GRWD1: variants seen among roughly 807,000 people sequenced by gnomAD.
GRWD1 encodes glutamate rich WD repeat containing 1.
GRWD1 carries 29 observed loss-of-function variants against 45.3 expected under a neutral mutation model. That is an observed-to-expected ratio of 0.64 (90% CI 0.48 to 0.87). The LOEUF (loss-of-function observed/expected upper bound fraction) is 0.87. GRWD1 is among the 40% of genes least tolerant of loss of function. The pLI, the probability that GRWD1 is intolerant of heterozygous loss-of-function variation, is 0.00. For synonymous variants in GRWD1, 262 were observed against 257.6 expected, an observed-to-expected ratio of 1.02 and a Z score of -0.16; for missense variants, 592 against 618.8, an observed-to-expected ratio of 0.96 and a Z score of 0.46.
Position 48,452,643 on chromosome 19 carries a change from C to A in GRWD1, c.1024-65C>A. The A allele has an allele frequency of 7.2e-7, 1 of 1,381,788 alleles. No individual in the cohort carries two copies. Among genetic ancestry groups the A allele is most frequent in the Non-Finnish European group, 9.9e-7 (1 of 1,007,880 alleles). The allele number at this position is 1,381,788 out of a possible 1,614,324, so 85.6% of individuals were successfully genotyped here. On this transcript the variant is annotated intron_variant, in intron 6 of 6. Coordinates refer to ENST00000253237, the MANE Select transcript of GRWD1 (RefSeq NM_031485.4). This position sits in a 1 kb window ranked among gnomAD's most constrained non-coding sequence, Gnocchi z 5.1. ...GGCTGGAGAAGGGTTGGGGCTTCTG[C>A]CTGGGTCCTCCCCAGAGTCAGGCTG...
chr19:48,446,506 A>G lies in GRWD1; in HGVS notation c.305+4A>G, dbSNP rs1971405020. Reference sequence around the variant, plus strand: ...CTGAGAGCGCCCAGAGCAACAGGTAAGACCCGAGGCTTTTCCAGGACCAGG... The same window carrying G: ...CTGAGAGCGCCCAGAGCAACAGGTAGGACCCGAGGCTTTTCCAGGACCAGG... On this transcript the variant is annotated splice_donor_region_variant and intron_variant, in intron 2 of 6. Coordinates refer to ENST00000253237, the MANE Select transcript of GRWD1 (RefSeq NM_031485.4). 1 of 1,613,116 alleles carries G rather than the reference A, an allele frequency of 6.2e-7. No individual in the cohort carries two copies. The highest frequency in any genetic ancestry group is 1.3e-5 in the African/African-American group (1 of 74,870).
rs545499146 is a variant in GRWD1 at position 48,453,423 on chromosome 19, C to T, written c.*398C>T. 26 of 163,914 alleles carry T rather than the reference C, an allele frequency of 1.6e-4. No individual in the cohort carries two copies. The South Asian group carries it at 4.6e-3, about 29-fold the overall frequency. The allele number at this position is 163,914 out of a possible 1,614,324, so 10.2% of individuals were successfully genotyped here. On this transcript the variant is annotated 3_prime_UTR_variant, in exon 7 of 7. Transcript: ENST00000253237. ...CACGATCTTGGCTCACTGCAACCTC[C>T]GCCTCCTGGGTTAAAGTGATTCTCT...
chr19:48,450,972 G>C lies in GRWD1; in HGVS notation c.826-62G>C. 1.3e-6 allele frequency: 2 copies of C among 1,548,518 alleles called. No homozygotes were observed. The highest frequency in any genetic ancestry group is 2.3e-5 in the South Asian group (2 of 87,028). ...GTGAAAGAGAGAGTAGCCCACCGCTGGCGCTTGGGCTTCACTGCGGGCTGG... is the reference window on the plus strand; with the variant it reads ...GTGAAAGAGAGAGTAGCCCACCGCTCGCGCTTGGGCTTCACTGCGGGCTGG... On this transcript the variant is annotated intron_variant, in intron 5 of 6. Transcript: ENST00000253237. The surrounding 1 kb of genome is among the most constrained non-coding windows in gnomAD (Gnocchi z 5.1).
chr19:48,454,830 C>T lies in GRWD1; in HGVS notation c.*1805C>T, dbSNP rs914859595. ...TTCCATCCTTTCAGAGAAACCCTCT[C>T]AGTCTGTCTGTCTCTGTCTCTGTCT... On this transcript the variant is annotated 3_prime_UTR_variant, in exon 7 of 7. Transcript: ENST00000253237. 5 of 152,310 alleles carry T rather than the reference C, an allele frequency of 3.3e-5. No homozygotes were observed. The highest frequency in any genetic ancestry group is 9.7e-5 in the African/African-American group (4 of 41,408). The allele number at this position is 152,310 out of a possible 1,614,324, so 9.4% of individuals were successfully genotyped here.
Position 48,451,132 on chromosome 19 carries a change from T to A in GRWD1, c.924T>A (p.Asp308Glu). ...ACMLTTATAH[D>E]GDVNVISWSR... ...TGCTCACCACAGCCACCGCCCATGA[T>A]GGGGACGTCAATGTCATCAGCTGGA... The change falls in exon 6 of 7, where the codon GAT becomes GAA. Residue 308 changes from aspartate (D) to glutamate (E), a missense_variant. Asp to Glu is a conservative substitution (Grantham distance 45). Transcript: ENST00000253237. 6.2e-7 allele frequency: 1 copy of A among 1,614,010 alleles called. No individual in the cohort carries two copies. Among genetic ancestry groups the A allele is most frequent in the Non-Finnish European group, 8.5e-7 (1 of 1,179,930 alleles).
In GRWD1 at chr19:48,450,547, G is replaced by A. The variant is rs767081199; in HGVS notation, c.682+21G>A. 1 of 1,612,882 alleles carries A rather than the reference G, an allele frequency of 6.2e-7. No homozygotes were observed. The highest frequency in any genetic ancestry group is 1.7e-5 in the Admixed American group (1 of 60,004). On this transcript the variant is annotated intron_variant, in intron 4 of 6. Transcript: ENST00000253237. This position sits in a 1 kb window ranked among gnomAD's most constrained non-coding sequence, Gnocchi z 5.1. ...GACCGGTGAGTCCCTGGGGTGTTCA[G>A]GAGTCCCGGGAGGTCGGGGGAGCAG...
rs1459862616 is a variant in GRWD1 at position 48,452,828 on chromosome 19, G to A, written c.1144G>A (p.Asp382Asn). The change falls in exon 7 of 7, where the codon GAC (aspartate) becomes AAC (asparagine). Residue 382 changes from aspartate to asparagine, a missense_variant. Coordinates refer to ENST00000253237, the MANE Select transcript of GRWD1 (RefSeq NM_031485.4). The surrounding 1 kb of genome is among the most constrained non-coding windows in gnomAD (Gnocchi z 5.1). ...TGCAGACCACCAGATCACACAGTGGGACCTGGCAGTGGAGCGGGACCCTGA... is the reference window on the plus strand; with the variant it reads ...TGCAGACCACCAGATCACACAGTGGAACCTGGCAGTGGAGCGGGACCCTGA... ...SGADHQITQWDLAVERDPEAG... is the reference protein window; with the variant it reads ...SGADHQITQWNLAVERDPEAG... 1 of 1,613,628 alleles carries A rather than the reference G, an allele frequency of 6.2e-7. No homozygotes were observed. Among genetic ancestry groups the A allele is most frequent in the African/African-American group, 1.3e-5 (1 of 74,938 alleles).
intron 2 of GRWD1, 47 bp from the exon 3 acceptor site, chr19:48,446,634 A>G (rs950856457): frequency 2.6e-6 from 4 of 1,552,452 alleles, no homozygotes; most frequent in Admixed American, 4.0e-5. Context: ...TCTCCTTCCT[A>G]AGAATCCTGG....
intron 6 of GRWD1, 22 bp downstream of exon 6, chr19:48,451,253 T>C (rs760039492): frequency 2.6e-6 from 4 of 1,547,416 alleles, no homozygotes; most frequent in Non-Finnish European, 3.5e-6. Context: ...GCCGGACACC[T>C]GGGGGCTAGA....
In GRWD1 at chr19:48,446,125, G is replaced by T. The variant is rs1440974475; in HGVS notation, c.120G>T (p.Pro40=). 1 of 1,606,348 alleles carries T rather than the reference G, an allele frequency of 6.2e-7. No homozygotes were observed. The highest frequency in any genetic ancestry group is 8.5e-7 in the Non-Finnish European group (1 of 1,177,836). Reference sequence around the variant, plus strand: ...TCTACCTGCCCGGCCGGGGGCCGCCGCTACGCGAAGGGGAGGAGCTGGTCA... The same window carrying T: ...TCTACCTGCCCGGCCGGGGGCCGCCTCTACGCGAAGGGGAGGAGCTGGTCA... ...AQVYLPGRGP[P]LREGEELVMD... The change falls in exon 1 of 7, where the codon CCG becomes CCT. Residue 40 remains proline (P), a synonymous_variant. Coordinates refer to ENST00000253237, the MANE Select transcript of GRWD1 (RefSeq NM_031485.4).
In GRWD1 at chr19:48,453,858, G is replaced by T. The variant is rs1459209966; in HGVS notation, c.*833G>T. ...AGGCTGGTGCTGTGTCGGGAGGAAGGTCAGGGCTCCTGAGCAGCAATAAAG... is the reference window on the plus strand; with the variant it reads ...AGGCTGGTGCTGTGTCGGGAGGAAGTTCAGGGCTCCTGAGCAGCAATAAAG... On this transcript the variant is annotated 3_prime_UTR_variant, in exon 7 of 7. Coordinates refer to ENST00000253237, the MANE Select transcript of GRWD1 (RefSeq NM_031485.4). The T allele has an allele frequency of 1.3e-5, 2 of 152,272 alleles. No homozygotes were observed. Among genetic ancestry groups the T allele is most frequent in the African/African-American group, 4.8e-5 (2 of 41,442 alleles). The allele number at this position is 152,272 out of a possible 1,614,324, so 9.4% of individuals were successfully genotyped here.
In GRWD1 at chr19:48,451,045, C is replaced by T; in HGVS notation, c.837C>T (p.Ser279=). Residue 279 remains serine, a synonymous_variant, in exon 6 of 7, where the codon TCC becomes TCT. Coordinates refer to ENST00000253237, the MANE Select transcript of GRWD1 (RefSeq NM_031485.4). ...TCCGCCTCCCCCAGGTGTTTGCCTC[C>T]TGCTCAGCTGACGCCTCCATCCGCA... The part of the protein sequence containing the change: ...WSPTENTVFA[S]CSADASIRIW... 1 of 1,613,598 alleles carries T rather than the reference C, an allele frequency of 6.2e-7. No individual in the cohort carries two copies. Among genetic ancestry groups the T allele is most frequent in the Non-Finnish European group, 8.5e-7 (1 of 1,179,808 alleles).
intron 1 of GRWD1, 57 bp from the exon 2 acceptor site, chr19:48,446,328 G>A (rs1046904519): frequency 6.4e-7 from 1 of 1,563,350 alleles, no homozygotes; most frequent in South Asian, 1.1e-5. Context: ...TGAGGGAGGT[G>A]GGGACTGAGC....
Position 48,450,277 on chromosome 19 carries a change from G to T in GRWD1, c.469-36G>T. 6.5e-7 allele frequency: 1 copy of T among 1,546,680 alleles called. No homozygotes were observed. Among genetic ancestry groups the T allele is most frequent in the Non-Finnish European group, 8.8e-7 (1 of 1,133,084 alleles). On this transcript the variant is annotated intron_variant, in intron 3 of 6. Coordinates refer to ENST00000253237, the MANE Select transcript of GRWD1 (RefSeq NM_031485.4). The surrounding 1 kb of genome is among the most constrained non-coding windows in gnomAD (Gnocchi z 5.1). ...AGTGCCTTGATCCTCCTCTCCCCTC[G>T]CTTCACATCACCCTTCCCCCACCGC...
rs953037969 is a variant in GRWD1 at position 48,455,579 on chromosome 19, G to C, written c.*2554G>C. ...GAGGGGGGTGCCCTGAGCCTGAGTC[G>C]CAGCCAGCCTGGGAGCTGGGCCATG... On this transcript the variant is annotated 3_prime_UTR_variant, in exon 7 of 7. Transcript: ENST00000253237. The C allele has an allele frequency of 6.6e-6, 1 of 152,190 alleles. No homozygotes were observed. Among genetic ancestry groups the C allele is most frequent in the Admixed American group, 6.5e-5 (1 of 15,272 alleles). 9.4% of individuals were successfully genotyped at this position (152,190 alleles called of 1,614,324 possible). A position where few individuals can be genotyped will look rare whatever the true frequency, so the allele number is the denominator to read the frequency against.
chr19:48,449,383 C>T (rs747412439), intron 3 of GRWD1, among the ~76,000 whole-genome samples: 7 of 152,140 alleles, frequency 4.6e-5, no homozygotes, highest in African/African-American at 7.2e-5. Context: ...CGAGCCACCG[C>T]GCCTGGCCCT....
intron 5 of GRWD1, 33 bp from the exon 6 acceptor site, chr19:48,451,001 G>T: frequency 6.3e-7 from 1 of 1,596,982 alleles, no homozygotes; most frequent in Non-Finnish European, 8.6e-7. Context: ...GGGCTGGGGG[G>T]CATTGGGACC....
rs770890791 is a variant in GRWD1, at chr19:48,446,441, G to C, written c.244G>C (p.Glu82Gln). 6.2e-7 allele frequency: 1 copy of C among 1,614,200 alleles called. No homozygotes were observed. Among genetic ancestry groups the C allele is most frequent in the East Asian group, 2.2e-5 (1 of 44,878 alleles). ...VRDHLGDNRT[E>Q]LPLTLYLCAG... ...GGATCACCTGGGAGACAACCGGACAGAGCTTCCTCTTACACTTTACTTGTG... is the reference window on the plus strand; with the variant it reads ...GGATCACCTGGGAGACAACCGGACACAGCTTCCTCTTACACTTTACTTGTG... Residue 82 changes from glutamate to glutamine, a missense_variant, in exon 2 of 7, where the codon GAG (glutamate) becomes CAG (glutamine). Transcript: ENST00000253237.
rs531159663 is a variant in GRWD1 at position 48,447,600 on chromosome 19, C to G, written c.468+757C>G. Among the ~76,000 whole-genome samples, 6 of 151,988 alleles carry G rather than the reference C, an allele frequency of 3.9e-5. No individual in the cohort carries two copies. In the East Asian group the frequency reaches 9.7e-4, roughly 25 times the overall value. ...CCTTGTTGGCTAGGCTGGTCTCAAA[C>G]TCCTGACCTCGAGTGATTGATCCGC... On this transcript the variant is annotated intron_variant, in intron 3 of 6. Coordinates refer to ENST00000253237, the MANE Select transcript of GRWD1 (RefSeq NM_031485.4).
Sources: allele counts gnomAD v4.1 joint callset (sites outside exome capture counted in the v4.1 genomes callset), GRCh38; gene constraint gnomAD v4.1.1; non-coding constraint Gnocchi (gnomAD v3.1); transcripts MANE v1.5; gene names NCBI Gene and HGNC (gene_info 2026-07-23, HGNC 2026-07-21).